The following CACFD1 variants were observed in gnomAD, a reference collection of about 807,000 sequenced individuals.
The protein encoded by CACFD1 is calcium channel flower domain containing 1.
CACFD1 carries 26 observed loss-of-function variants against 21.3 expected under a neutral mutation model. That is an observed-to-expected ratio of 1.22 (90% CI 0.89 to 1.69). The LOEUF is 1.69. Among genes scored for constraint, CACFD1 ranks in the 40% most tolerant of loss-of-function variants. The pLI, the probability that CACFD1 is intolerant of heterozygous loss-of-function variation, is 0.00. For missense variants in CACFD1, 265 were observed against 236.2 expected, an observed-to-expected ratio of 1.12 and a Z score of -0.80; for synonymous variants, 121 against 106.6, an observed-to-expected ratio of 1.13 and a Z score of -0.83.
At position 133,468,708 on chromosome 9, in the gene CACFD1, G is replaced by A; in HGVS notation, c.*55G>A. 6.6e-7 allele frequency: 1 copy of A among 1,522,218 alleles called. No individual in the cohort carries two copies. Among genetic ancestry groups the A allele is most frequent in the South Asian group, 1.2e-5 (1 of 80,204 alleles). 94.3% of individuals were successfully genotyped at this position (1,522,218 alleles called of 1,614,324 possible). On this transcript the variant is annotated 3_prime_UTR_variant, in exon 5 of 5. Coordinates refer to ENST00000316948, the MANE Select transcript of CACFD1 (RefSeq NM_017586.5). ...CTCTTCTGGCTCTGTGTGGGTCCAA[G>A]TGAGGCCTGGACTGTCCACGCTGAG...
chr9:133,464,257 C>T (rs967678953), intron 2 of CACFD1, among the ~76,000 whole-genome samples: 4 of 152,200 alleles, frequency 2.6e-5, no homozygotes, highest in African/African-American at 9.7e-5. Context: ...GGTCCCGTCC[C>T]CAGTGACCTA....
chr9:133,470,348 G>GGCCCCC lies in CACFD1; in HGVS notation c.*1696_*1701dup, dbSNP rs1554800934. 2.0e-5 allele frequency: 3 copies of GGCCCCC among 152,518 alleles called. No homozygotes were observed. The highest frequency in any genetic ancestry group is 7.2e-5 in the African/African-American group (3 of 41,440). The allele number at this position is 152,518 out of a possible 1,614,324, so 9.4% of individuals were successfully genotyped here. On this transcript the variant is annotated 3_prime_UTR_variant, in exon 5 of 5. Transcript: ENST00000316948. ...TTCCTACCCAGGTAGTGGGACCCCG[G>GGCCCCC]GCCCCCTTCTGCCTGGCTTGCCTGC...
chr9:133,465,442 C>T lies in CACFD1; in HGVS notation c.315C>T (p.Tyr105=). 1.2e-6 allele frequency: 2 copies of T among 1,609,808 alleles called. No homozygotes were observed. The highest frequency in any genetic ancestry group is 1.1e-5 in the South Asian group (1 of 90,464). ...GCTCCTGGCAGAAGGCTGTCTTCTA[C>T]TGCGGGTGAGGGGTTGCTGGGCAGG... is the stretch of plus-strand genomic sequence containing the variant. ...RLRSWQKAVF[Y]CGMAVVPIVI... is the part of the protein sequence containing the mutation. The change falls in exon 3 of 5, where the codon TAC becomes TAT. Residue 105 remains tyrosine (Y), a synonymous_variant. Transcript: ENST00000316948. The surrounding 1 kb of genome is among the most constrained non-coding windows in gnomAD (Gnocchi z 5.0).
rs1554800301 is a variant in CACFD1 at position 133,468,884 on chromosome 9, C to G, written c.*231C>G. 6.1e-6 allele frequency: 4 copies of G among 652,482 alleles called. No homozygotes were observed. The highest frequency in any genetic ancestry group is 1.0e-5 in the Non-Finnish European group (4 of 398,926). The allele number at this position is 652,482 out of a possible 1,614,324, so 40.4% of individuals were successfully genotyped here. ...GCAGAGCCTGCAGCAGCTGTGTGGA[C>G]ACTACCCAGCCCTACTCCTCTGCTG... On this transcript the variant is annotated 3_prime_UTR_variant, in exon 5 of 5. Transcript: ENST00000316948.
Position 133,468,567 on chromosome 9 carries a change from G to A in CACFD1, c.433G>A (p.Asp145Asn), listed in dbSNP as rs146555731. 15 of 1,580,058 alleles carry A rather than the reference G, an allele frequency of 9.5e-6. No homozygotes were observed. Among genetic ancestry groups the A allele is most frequent in the Non-Finnish European group, 1.1e-5 (13 of 1,164,900 alleles). Residue 145 changes from aspartate (D) to asparagine (N), a missense_variant, in exon 5 of 5, where the codon GAT becomes AAT. Physicochemically the swap from Asp to Asn is conservative, Grantham distance 23 (BLOSUM62 1). Coordinates refer to ENST00000316948, the MANE Select transcript of CACFD1 (RefSeq NM_017586.5). ...YGLSALGKKG[D>N]AISYARIQQQ... ...GCTGCCTCTCTCTCTCCCCAGGGGC[G>A]ATGCGATCTCCTATGCCAGGATCCA...
At chr9:133,466,852 G>A (rs912325531) in intron 3 of CACFD1, among the ~76,000 whole-genome samples, 3 of 151,592 alleles carry the variant, frequency 2.0e-5, no homozygotes, top group Non-Finnish European at 2.9e-5. Flanking sequence ...GAAAATTTTC[G>A]AGTTTACTTT....
At chr9:133,463,928 G>A (rs1157464856) in intron 2 of CACFD1, among the ~76,000 whole-genome samples, 1 of 152,252 alleles carries the variant, frequency 6.6e-6, no homozygotes, top group Non-Finnish European at 1.5e-5. Context: ...CAGGACTGGG[G>A]TGGGGAAGGC....
intron 1 of CACFD1, chr9:133,461,940 G>A: frequency 2.0e-6 from 2 of 985,440 alleles, no homozygotes; most frequent in Non-Finnish European, 2.4e-6. Context: ...AGAGTACCTG[G>A]AGAGGGTCTA....
At chr9:133,462,106 T>G (rs1366914120) in intron 1 of CACFD1, 1 of 1,303,104 alleles carries the variant, frequency 7.7e-7, no homozygotes, top group Non-Finnish European at 1.0e-6. Flanking sequence ...AGCCTGCTGG[T>G]CTGGCTTGAC....
chr9:133,467,870 T>C (rs1843500304), intron 3 of CACFD1, 51 bp from the exon 4 acceptor site: 1 of 1,312,700 alleles, frequency 7.6e-7, no homozygotes, highest in Non-Finnish European at 1.1e-6. Context: ...CGGGGAAGGA[T>C]GTGGTGGCTG....
rs368485036 is a variant in CACFD1, at chr9:133,463,465, C to T, written c.122-18C>T. The T allele has an allele frequency of 1.8e-5, 29 of 1,613,764 alleles. No homozygotes were observed. The highest frequency in any genetic ancestry group is 4.0e-5 in the African/African-American group (3 of 74,956). On this transcript the variant is annotated intron_variant, in intron 1 of 4. Coordinates refer to ENST00000316948, the MANE Select transcript of CACFD1 (RefSeq NM_017586.5). ...GCCTGCCTCCCTGCTGACTCCTGCC[C>T]GTGTCTCTTGTTTCAAGCTTGCGCG...
In CACFD1 at chr9:133,468,832, G is replaced by A. The variant is rs1291741385; in HGVS notation, c.*179G>A. 6.3e-6 allele frequency: 7 copies of A among 1,114,956 alleles called. No individual in the cohort carries two copies. In the Admixed American group the frequency reaches 8.9e-5, roughly 14 times the overall value. The allele number at this position is 1,114,956 out of a possible 1,614,324, so 69.1% of individuals were successfully genotyped here. ...AAGCCAGGAGCCACTGGCTGCTGGT[G>A]TGAGGGTCTGGGCTGCTGGACTTGA... On this transcript the variant is annotated 3_prime_UTR_variant, in exon 5 of 5. Transcript: ENST00000316948.
At position 133,468,772 on chromosome 9, in the gene CACFD1, C is replaced by T. The variant is rs961386955; in HGVS notation, c.*119C>T. ...AGGGGCCTTTGCACGTGTCCCTACACCTGGAGTCCTCTGCTCCTTTCTCCA... is the reference window on the plus strand; with the variant it reads ...AGGGGCCTTTGCACGTGTCCCTACATCTGGAGTCCTCTGCTCCTTTCTCCA... On this transcript the variant is annotated 3_prime_UTR_variant, in exon 5 of 5. Transcript: ENST00000316948. The T allele has an allele frequency of 4.4e-5, 63 of 1,424,498 alleles. No individual in the cohort carries two copies. Among genetic ancestry groups the T allele is most frequent in the Non-Finnish European group, 5.2e-5 (56 of 1,085,936 alleles). 88.2% of individuals were successfully genotyped at this position (1,424,498 alleles called of 1,614,324 possible).
At chr9:133,466,738 C>G (rs1217059595) in intron 3 of CACFD1, among the ~76,000 whole-genome samples, 1 of 152,162 alleles carries the variant, frequency 6.6e-6, no homozygotes, top group East Asian at 1.9e-4. Flanking sequence ...CCCCCGCCCC[C>G]ACCCCAGCCC....
At chr9:133,463,994 C>T (rs1034382395) in intron 2 of CACFD1, among the ~76,000 whole-genome samples, 2 of 152,224 alleles carry the variant, frequency 1.3e-5, no homozygotes, top group Admixed American at 1.3e-4. Flanking sequence ...AGAGGGCACT[C>T]GAGCTCGGAG....
chr9:133,460,477 G>GGGCGGGGGGGCGGCGGGGGCGGGGGGGC (rs1564453244), intron 1 of CACFD1, among the ~76,000 whole-genome samples: 2 of 151,356 alleles, frequency 1.3e-5, no homozygotes, highest in Admixed American at 6.6e-5. Context: ...GGGGCGGCGG[G>GGGCGGGGGGGCGGCGGGGGCGGGGGGGC]GGCGGGGGTG....
At chr9:133,466,565 G>A (rs768913601) in intron 3 of CACFD1, among the ~76,000 whole-genome samples, 18 of 127,826 alleles carry the variant, frequency 1.4e-4, no homozygotes, top group Non-Finnish European at 3.0e-4. Flanking sequence ...GGTGTAAATC[G>A]AGGTGTGATA....
intron 4 of CACFD1, 74 bp downstream of exon 4, chr9:133,468,102 T>C (rs1843516227): frequency 7.7e-7 from 1 of 1,293,914 alleles, no homozygotes; most frequent in Non-Finnish European, 1.1e-6. Context: ...GTGAGGAGGA[T>C]CTGAGAGTGG....
chr9:133,461,827 A>G (rs1355191869), intron 1 of CACFD1: 1 of 980,074 alleles, frequency 1.0e-6, no homozygotes, highest in East Asian at 1.1e-4. Context: ...TAGAATGCAA[A>G]AATGCAGGGT....
Sources: gnomAD v4.1 joint callset for allele counts (sites outside exome capture counted in the v4.1 genomes callset) on GRCh38, gnomAD v4.1.1 for gene constraint, Gnocchi (gnomAD v3.1) non-coding constraint, MANE v1.5 for transcripts, NCBI Gene and HGNC (gene_info 2026-07-23, HGNC 2026-07-21) for gene names.